SPATA20: variants seen among roughly 807,000 people sequenced by gnomAD.
SPATA20 encodes the protein spermatogenesis associated 20, also known as spermatogenesis-associated protein 20.
SPATA20 carries 74 observed loss-of-function variants against 98.9 expected under a neutral mutation model. The observed-to-expected ratio is 0.75, with a 90% CI of 0.62 to 0.91. The LOEUF is 0.91. Among genes scored for constraint, SPATA20 ranks in the 40% least tolerant of loss-of-function variants. The pLI is 0.00. For missense variants in SPATA20, 1,016 were observed against 1,069.8 expected, an observed-to-expected ratio of 0.95 and a Z score of 0.70; for synonymous variants, 430 against 440.5, an observed-to-expected ratio of 0.98 and a Z score of 0.30.
chr17:50,554,472 G>C (rs375275157), intron 15 of SPATA20, 22 bp downstream of exon 15: 1 of 1,605,530 alleles, frequency 6.2e-7, no homozygotes, highest in Admixed American at 1.7e-5. Flanking sequence ...GGGCATCTGG[G>C]CTGGGACCTC....
In SPATA20 at chr17:50,552,023, G is replaced by A; in HGVS notation, c.1800G>A (p.Leu600=). The A allele has an allele frequency of 6.2e-7, 1 of 1,613,422 alleles. No homozygotes were observed. Among genetic ancestry groups the A allele is most frequent in the Non-Finnish European group, 8.5e-7 (1 of 1,179,758 alleles). The change falls in exon 14 of 17, where the codon CTG becomes CTA. Residue 600 remains leucine (L), a synonymous_variant. Transcript: ENST00000006658. ...LEDYAFVVRG[L]LDLYEASQES... ...ACTACGCCTTCGTGGTGCGGGGCCT[G>A]CTGGACCTGTATGAGGCCTCACAGG...
rs775049600 is a variant in SPATA20 at position 50,551,147 on chromosome 17, G to A, written c.1533G>A (p.Arg511=). The change falls in exon 12 of 17, where the codon CGG becomes CGA. Residue 511 remains arginine (R), a synonymous_variant. Transcript: ENST00000006658. Reference sequence around the variant, plus strand: ...AGCTCTTCCAGGCCCGGAAGCATCGGCCCAAGCCGCACCTGGACAGCAAGA... The same window carrying A: ...AGCTCTTCCAGGCCCGGAAGCATCGACCCAAGCCGCACCTGGACAGCAAGA... ...LEKLFQARKH[R]PKPHLDSKML... The A allele has an allele frequency of 6.3e-7, 1 of 1,578,126 alleles. No individual in the cohort carries two copies. The highest frequency in any genetic ancestry group is 8.6e-7 in the Non-Finnish European group (1 of 1,165,872).
Position 50,548,954 on chromosome 17 carries a change from C to T in SPATA20, c.506C>T (p.Thr169Met), listed in dbSNP as rs775675215. 2.3e-5 allele frequency: 37 copies of T among 1,614,024 alleles called. No homozygotes were observed. Among genetic ancestry groups the T allele is most frequent in the Admixed American group, 1.5e-4 (9 of 60,004 alleles). ...CCTGACGTGGACAAGGTGTACATGA[C>T]GTTCGTGCAGGTGAGCAGCCCTCCT... ...ERPDVDKVYM[T>M]FVQATSSGGG... The change falls in exon 5 of 17, where the codon ACG becomes ATG. Residue 169 changes from threonine to methionine, a missense_variant. By Grantham distance (81) the Thr-to-Met change is moderately conservative. Coordinates refer to ENST00000006658, the MANE Select transcript of SPATA20 (RefSeq NM_022827.4).
Position 50,548,450 on chromosome 17 carries a change from A to G in SPATA20, c.293A>G (p.Asp98Gly), listed in dbSNP as rs1230776156. 6.2e-7 allele frequency: 1 copy of G among 1,613,726 alleles called. No individual in the cohort carries two copies. The highest frequency in any genetic ancestry group is 8.5e-7 in the Non-Finnish European group (1 of 1,179,894). ...CTACAACATGCCTACAATCCTGTGG[A>G]CTGGTGAGCACCTCTCCTGGGGCCC... Reference protein sequence around the residue: ...YLLQHAYNPVDWYPWGQEAFD... With the variant: ...YLLQHAYNPVGWYPWGQEAFD... Residue 98 changes from aspartate to glycine, a missense_variant, in exon 3 of 17, where the codon GAC (aspartate) becomes GGC (glycine). By Grantham distance (94) the Asp-to-Gly change is moderately conservative. Coordinates refer to ENST00000006658, the MANE Select transcript of SPATA20 (RefSeq NM_022827.4).
chr17:50,553,758 G>C (rs1345281495), intron 14 of SPATA20, among the ~76,000 whole-genome samples: 1 of 152,096 alleles, frequency 6.6e-6, no homozygotes. Flanking sequence ...GGAGAGAAGT[G>C]GGGGTGGGGG....
chr17:50,552,556 T>C (rs530946408), intron 14 of SPATA20, among the ~76,000 whole-genome samples: 1 of 145,854 alleles, frequency 6.9e-6, no homozygotes, highest in South Asian at 2.2e-4. Context: ...TCTTTCTCTC[T>C]TTCTTTCTCT....
Position 50,551,637 on chromosome 17 carries a change from T to G in SPATA20, c.1703T>G (p.Met568Arg). ...HMFDVASGRL[M>R]RTCYTGPGGT... ...TTTGATGTGGCCAGTGGCCGCCTGA[T>G]GCGGACCTGCTACACCGGCCCTGGG... is the stretch of plus-strand genomic sequence containing the variant. Residue 568 changes from methionine to arginine, a missense_variant, in exon 13 of 17, where the codon ATG (methionine) becomes AGG (arginine). By Grantham distance (91) the Met-to-Arg change is moderately conservative. Transcript: ENST00000006658. The G allele has an allele frequency of 6.2e-7, 1 of 1,600,088 alleles. No homozygotes were observed. Among genetic ancestry groups the G allele is most frequent in the Non-Finnish European group, 8.6e-7 (1 of 1,168,864 alleles).
chr17:50,554,170 C>A, intron 14 of SPATA20, 81 bp from the exon 15 acceptor site: 1 of 1,327,690 alleles, frequency 7.5e-7, no homozygotes, highest in Non-Finnish European at 1.1e-6. Flanking sequence ...CCCCAAGTGG[C>A]CCTGGATACA....
rs769277792 is a variant in SPATA20, at chr17:50,548,446, G to A, written c.289G>A (p.Val97Met). The A allele has an allele frequency of 6.2e-7, 1 of 1,613,928 alleles. No homozygotes were observed. Among genetic ancestry groups the A allele is most frequent in the Non-Finnish European group, 8.5e-7 (1 of 1,179,920 alleles). ...CCTCCTACAACATGCCTACAATCCT[G>A]TGGACTGGTGAGCACCTCTCCTGGG... Reference protein sequence around the residue: ...PYLLQHAYNPVDWYPWGQEAF... With the variant: ...PYLLQHAYNPMDWYPWGQEAF... Residue 97 changes from valine (V) to methionine (M), a missense_variant, in exon 3 of 17, where the codon GTG becomes ATG. Coordinates refer to ENST00000006658, the MANE Select transcript of SPATA20 (RefSeq NM_022827.4).
Position 50,550,630 on chromosome 17 carries a change from G to A in SPATA20, c.1173+20G>A. The A allele has an allele frequency of 1.2e-6, 2 of 1,613,848 alleles. No homozygotes were observed. Among genetic ancestry groups the A allele is most frequent in the Non-Finnish European group, 1.7e-6 (2 of 1,179,908 alleles). Reference sequence around the variant, plus strand: ...CACCGGGTGTGTGTCCATGGTGGCAGGCAGGCCTGGCTGTGGGAGGGGTTG... The same window carrying A: ...CACCGGGTGTGTGTCCATGGTGGCAAGCAGGCCTGGCTGTGGGAGGGGTTG... On this transcript the variant is annotated intron_variant, in intron 10 of 16. Coordinates refer to ENST00000006658, the MANE Select transcript of SPATA20 (RefSeq NM_022827.4).
In SPATA20 at chr17:50,554,329, A is replaced by G. The variant is rs1235946849; in HGVS notation, c.2036A>G (p.Lys679Arg). 27 of 1,614,094 alleles carry G rather than the reference A, an allele frequency of 1.7e-5. No individual in the cohort carries two copies. The highest frequency in any genetic ancestry group is 5.1e-6 in the Non-Finnish European group (6 of 1,180,040). The change falls in exon 15 of 17, where the codon AAG becomes AGG. Residue 679 changes from lysine (K) to arginine (R), a missense_variant. Coordinates refer to ENST00000006658, the MANE Select transcript of SPATA20 (RefSeq NM_022827.4). ...CGGCTGCATGGCTTCACGGGCCACA[A>G]GGACTGGATGGACAAGTGTGTGTGC... ...LLRLHGFTGH[K>R]DWMDKCVCLL...
chr17:50,555,672 C>A lies in SPATA20; in HGVS notation c.*10C>A. 1 of 1,612,486 alleles carries A rather than the reference C, an allele frequency of 6.2e-7. No homozygotes were observed. Among genetic ancestry groups the A allele is most frequent in the East Asian group, 2.2e-5 (1 of 44,850 alleles). ...ACTACTACATCCATGACTGCCCCAA[C>A]CCCCTTGGGGTGGGGCAGAAGGTGA... is the stretch of plus-strand genomic sequence containing the variant. On this transcript the variant is annotated 3_prime_UTR_variant, in exon 17 of 17. Transcript: ENST00000006658.
At chr17:50,552,500 C>CCTTTCTCTTTCTTT (rs1382890267) in intron 14 of SPATA20, among the ~76,000 whole-genome samples, 2 of 149,880 alleles carry the variant, frequency 1.3e-5, no homozygotes, top group Non-Finnish European at 3.0e-5. Context: ...CTTTTTATTT[C>CCTTTCTCTTTCTTT]CTTTCTCTTT....
rs1266768791 is a variant in SPATA20 at position 50,551,029 on chromosome 17, T to G, written c.1415T>G (p.Val472Gly). The change falls in exon 12 of 17, where the codon GTG becomes GGG. Residue 472 changes from valine (V) to glycine (G), a missense_variant. Coordinates refer to ENST00000006658, the MANE Select transcript of SPATA20 (RefSeq NM_022827.4). ...AAGGGGGAGCTGCAGGGCCAGAATG[T>G]GCTGACCGTCCGGTACTCGCTGGAG... ...DPKGELQGQN[V>G]LTVRYSLELT... 1 of 1,613,398 alleles carries G rather than the reference T, an allele frequency of 6.2e-7. No homozygotes were observed. Among genetic ancestry groups the G allele is most frequent in the East Asian group, 2.2e-5 (1 of 44,874 alleles).
chr17:50,548,899 G>C lies in SPATA20; in HGVS notation c.451G>C (p.Val151Leu). 4.3e-6 allele frequency: 7 copies of C among 1,614,170 alleles called. No individual in the cohort carries two copies. Among genetic ancestry groups the C allele is most frequent in the Non-Finnish European group, 5.9e-6 (7 of 1,180,016 alleles). Residue 151 changes from valine to leucine, a missense_variant, in exon 5 of 17, where the codon GTG (valine) becomes CTG (leucine). By Grantham distance (32) the Val-to-Leu change is conservative (BLOSUM62 1). Coordinates refer to ENST00000006658, the MANE Select transcript of SPATA20 (RefSeq NM_022827.4). ...TGGCCGCCTGCTCAGTGAGGACTTT[G>C]TGAGTGTGAAGGTAGACCGTGAGGA... ...EIGRLLSEDF[V>L]SVKVDREERP... is the part of the protein sequence containing the mutation.
rs1354388660 is a variant in SPATA20, at chr17:50,550,722, T to C, written c.1188T>C (p.Tyr396=). The part of the protein sequence containing the change: ...RSLSHRSGGF[Y]SAEDADSPPE... The stretch of plus-strand genomic sequence containing the variant: ...CCTCCCCACAGTCCGGAGGCTTCTA[T>C]AGCGCAGAAGATGCAGACTCGCCCC... Residue 396 remains tyrosine (Y), a synonymous_variant, in exon 11 of 17, where the codon TAT becomes TAC. Coordinates refer to ENST00000006658, the MANE Select transcript of SPATA20 (RefSeq NM_022827.4). 3.1e-6 allele frequency: 5 copies of C among 1,613,280 alleles called. No individual in the cohort carries two copies. Among genetic ancestry groups the C allele is most frequent in the Middle Eastern group, 1.6e-4 (1 of 6,062 alleles).
Position 50,550,126 on chromosome 17 carries a change from C to G in SPATA20, c.993+11C>G. The stretch of plus-strand genomic sequence containing the variant: ...GACCATGTGGGGCAGGTGACGGGCA[C>G]TGGGTGTTCCCTGGAGGGGCAGCAG... On this transcript the variant is annotated intron_variant, in intron 8 of 16. Transcript: ENST00000006658. 2 of 1,612,916 alleles carry G rather than the reference C, an allele frequency of 1.2e-6. No individual in the cohort carries two copies. Among genetic ancestry groups the G allele is most frequent in the South Asian group, 1.1e-5 (1 of 91,032 alleles).
At position 50,549,448 on chromosome 17, in the gene SPATA20, T is replaced by TAAC. The variant is rs761663303; in HGVS notation, c.824_825insACA (p.Tyr275delinsTer). ...GCTGGATGAGGGCTATGATGAGGAA[T>TAAC]ACGGTGGCTTCGCTGAGGCCCCCAA... On this transcript the variant is annotated stop_gained, in exon 7 of 17. Coordinates refer to ENST00000006658, the MANE Select transcript of SPATA20 (RefSeq NM_022827.4). LOFTEE classifies it high-confidence loss of function. 1.2e-6 allele frequency: 2 copies of TAAC among 1,612,380 alleles called. No individual in the cohort carries two copies. The highest frequency in any genetic ancestry group is 1.7e-6 in the Non-Finnish European group (2 of 1,179,978).
chr17:50,548,807 C>T lies in SPATA20; in HGVS notation c.362-3C>T. 1.2e-6 allele frequency: 2 copies of T among 1,610,754 alleles called. No individual in the cohort carries two copies. Among genetic ancestry groups the T allele is most frequent in the South Asian group, 2.2e-5 (2 of 90,418 alleles). Reference sequence around the variant, plus strand: ...CCTGACCTCTCCCCATGGCCCTGTTCAGTCGGGTACTCCACCTGCCACTGG... The same window carrying T: ...CCTGACCTCTCCCCATGGCCCTGTTTAGTCGGGTACTCCACCTGCCACTGG... On this transcript the variant is annotated splice_polypyrimidine_tract_variant and splice_region_variant and intron_variant, in intron 4 of 16. Transcript: ENST00000006658.
Sources: gnomAD v4.1 joint callset for allele counts (sites outside exome capture counted in the v4.1 genomes callset) on GRCh38, gnomAD v4.1.1 for gene constraint, MANE v1.5 for transcripts, NCBI Gene and HGNC (gene_info 2026-07-23, HGNC 2026-07-21) for gene names.